Variants in JAZF1 observed in about 807,000 individuals in gnomAD.
JAZF1 encodes juxtaposed with another zinc finger protein 1.
Under a neutral mutation model 26.4 loss-of-function variants are expected in JAZF1, and 8 were observed. The observed-to-expected ratio is 0.30, with a 90% CI of 0.18 to 0.55. JAZF1 has a LOEUF of 0.55. Ranked by LOEUF, JAZF1 falls within the 20% of genes least tolerant of loss-of-function variation. JAZF1 has a pLI of 0.94. For synonymous variants in JAZF1, 126 were observed against 122.3 expected, an observed-to-expected ratio of 1.03 and a Z score of -0.20; for missense variants, 199 against 322.0, an observed-to-expected ratio of 0.62 and a Z score of 2.92.
intron 1 of JAZF1, among the ~76,000 whole-genome samples, chr7:28,078,486 A>C (rs1033707635): frequency 6.6e-6 from 1 of 152,206 alleles, no homozygotes; most frequent in Non-Finnish European, 1.5e-5. Flanking sequence ...TGCGGTAGGC[A>C]GGCTGCATTG....
chr7:28,036,581 G>A (rs1489361372), intron 1 of JAZF1, among the ~76,000 whole-genome samples: 1 of 152,200 alleles, frequency 6.6e-6, no homozygotes, highest in Non-Finnish European at 1.5e-5. Context: ...AGGAGGTAGG[G>A]TCATCTCTGG....
chr7:28,051,467 C>A (rs1004261169), intron 1 of JAZF1, among the ~76,000 whole-genome samples: 1 of 152,112 alleles, frequency 6.6e-6, no homozygotes, highest in South Asian at 2.1e-4. Context: ...CCCACTCAGC[C>A]TCCCAAAGTG....
intron 1 of JAZF1, among the ~76,000 whole-genome samples, chr7:28,150,338 A>G (rs1783091981): frequency 6.6e-6 from 1 of 152,178 alleles, no homozygotes; most frequent in African/African-American, 2.4e-5. Context: ...TTGCTTCCAG[A>G]CTTTTGGATT....
At chr7:27,899,947 G>A (rs577447987) in intron 2 of JAZF1, among the ~76,000 whole-genome samples, 1 of 152,212 alleles carries the variant, frequency 6.6e-6, no homozygotes, top group Non-Finnish European at 1.5e-5. Flanking sequence ...CTGGGGAAAT[G>A]CAGTGAGAAC....
At chr7:27,909,566 G>T (rs1311642995) in intron 2 of JAZF1, among the ~76,000 whole-genome samples, 2 of 152,146 alleles carry the variant, frequency 1.3e-5, no homozygotes, top group Non-Finnish European at 2.9e-5. Flanking sequence ...AATTAGCCGG[G>T]CATGGTGGCA....
chr7:28,012,377 C>T (rs1374477324), intron 1 of JAZF1, among the ~76,000 whole-genome samples: 4 of 152,154 alleles, frequency 2.6e-5, no homozygotes, highest in Non-Finnish European at 5.9e-5. Flanking sequence ...CCTACCTGAC[C>T]TTCTGAATCA....
chr7:28,065,009 C>T (rs1227922766), intron 1 of JAZF1, among the ~76,000 whole-genome samples: 1 of 152,174 alleles, frequency 6.6e-6, no homozygotes, highest in African/African-American at 2.4e-5. Flanking sequence ...GCAGCATATC[C>T]AAATCACATT....
At chr7:28,115,505 A>G (rs1052947428) in intron 1 of JAZF1, among the ~76,000 whole-genome samples, 1 of 152,210 alleles carries the variant, frequency 6.6e-6, no homozygotes, top group African/African-American at 2.4e-5. Context: ...AGCTAATACA[A>G]GACCCACTTA....
At chr7:27,857,441 G>A (rs1583433531) in intron 3 of JAZF1, among the ~76,000 whole-genome samples, 1 of 152,228 alleles carries the variant, frequency 6.6e-6, no homozygotes, top group African/African-American at 2.4e-5. Flanking sequence ...GCCTTGGCCA[G>A]CCCAGAAAGG....
At chr7:28,089,364 C>G (rs1288164602) in intron 1 of JAZF1, among the ~76,000 whole-genome samples, 5 of 152,186 alleles carry the variant, frequency 3.3e-5, no homozygotes, top group Admixed American at 2.0e-4. Context: ...CCCAATTATG[C>G]TAGCACCTTG....
At position 27,831,825 on chromosome 7, in the gene JAZF1, T is replaced by C. The variant is rs913793634; in HGVS notation, c.*975A>G. The C allele has an allele frequency of 3.2e-5, 7 of 220,412 alleles. No individual in the cohort carries two copies. Among genetic ancestry groups the C allele is most frequent in the African/African-American group, 1.3e-4 (6 of 44,652 alleles). The allele number at this position is 220,412 out of a possible 1,614,324, so 13.7% of individuals were successfully genotyped here. The stretch of plus-strand genomic sequence containing the variant: ...ACCCACAGGTTTGGTAGGGCAGTGG[T>C]TGCAAGAATTGGCAACACATAAACA... On this transcript the variant is annotated 3_prime_UTR_variant, in exon 5 of 5. Coordinates refer to ENST00000283928, the MANE Select transcript of JAZF1 (RefSeq NM_175061.4).
At chr7:27,912,615 G>C (rs999404851) in intron 2 of JAZF1, among the ~76,000 whole-genome samples, 5 of 152,120 alleles carry the variant, frequency 3.3e-5, no homozygotes, top group African/African-American at 1.2e-4. Context: ...GGGCTGTTAA[G>C]ATTAAGGTTA....
At chr7:27,859,820 T>G (rs1783344188) in intron 3 of JAZF1, among the ~76,000 whole-genome samples, 1 of 152,246 alleles carries the variant, frequency 6.6e-6, no homozygotes. Flanking sequence ...TATAGCTATG[T>G]AACAAACCTG....
intron 1 of JAZF1, among the ~76,000 whole-genome samples, chr7:28,068,935 A>G (rs946581533): frequency 6.6e-6 from 1 of 152,236 alleles, no homozygotes; most frequent in Non-Finnish European, 1.5e-5. Flanking sequence ...GCTGCCTGGT[A>G]TCATAGCAAC....
intron 1 of JAZF1, among the ~76,000 whole-genome samples, chr7:28,138,292 C>T (rs1370801891): frequency 6.6e-6 from 1 of 152,146 alleles, no homozygotes; most frequent in South Asian, 2.1e-4. Flanking sequence ...AAGACAGGCA[C>T]AGAGAACAAG....
intron 1 of JAZF1, among the ~76,000 whole-genome samples, chr7:28,015,640 C>T (rs1467974609): frequency 6.6e-6 from 1 of 152,112 alleles, no homozygotes; most frequent in African/African-American, 2.4e-5. Context: ...TTATACAATA[C>T]TTTGAAACTG....
intron 2 of JAZF1, among the ~76,000 whole-genome samples, chr7:27,987,232 A>G (rs950659799): frequency 1.0e-4 from 14 of 135,996 alleles, no homozygotes; most frequent in African/African-American, 4.0e-4. Context: ...CTGGCCGCCC[A>G]TCGTCTGAGA....
intron 1 of JAZF1, among the ~76,000 whole-genome samples, chr7:28,112,984 C>T (rs1038444266): frequency 7.2e-5 from 11 of 152,106 alleles, no homozygotes; most frequent in African/African-American, 2.4e-4. Flanking sequence ...CCAGGTCAAG[C>T]TCAGGAGAAT....
chr7:28,070,082 G>C (rs1448109982), intron 1 of JAZF1, among the ~76,000 whole-genome samples: 1 of 152,148 alleles, frequency 6.6e-6, no homozygotes, highest in African/African-American at 2.4e-5. Context: ...TCCCAGGAAA[G>C]GGGAGCTTTT....
Sources: allele counts gnomAD v4.1 joint callset (sites outside exome capture counted in the v4.1 genomes callset), GRCh38; gene constraint gnomAD v4.1.1; transcripts MANE v1.5; gene names NCBI Gene and HGNC (gene_info 2026-07-23, HGNC 2026-07-21).